Variants in TMEM131L observed in about 807,000 individuals in gnomAD.
TMEM131L encodes transmembrane 131 like.
Under a neutral mutation model 192.2 loss-of-function variants are expected in TMEM131L, and 54 were observed. That is an observed-to-expected ratio of 0.28 (90% CI 0.23 to 0.35). The LOEUF is 0.35. Ranked by LOEUF, TMEM131L falls within the 10% of genes least tolerant of loss-of-function variation. TMEM131L has a pLI of 1.00. For synonymous variants in TMEM131L, 701 were observed against 704.9 expected (o/e 0.99, Z 0.09); for missense variants, 1,888 against 1,972.9 (o/e 0.96, Z 0.82).
At chr4:153,492,669 G>T (rs1352213333) in intron 3 of TMEM131L, among the ~76,000 whole-genome samples, 2 of 152,238 alleles carry the variant, frequency 1.3e-5, no homozygotes, top group African/African-American at 4.8e-5. Context: ...TCTGTGCTCT[G>T]AAGGAATGTA....
chr4:153,542,618 C>T (rs1389600323), intron 3 of TMEM131L, among the ~76,000 whole-genome samples: 1 of 152,200 alleles, frequency 6.6e-6, no homozygotes, highest in Admixed American at 6.5e-5. Flanking sequence ...GTGCTTGGCA[C>T]AACATCTGGT....
intron 3 of TMEM131L, among the ~76,000 whole-genome samples, chr4:153,520,404 G>A (rs1295569234): frequency 2.0e-5 from 3 of 152,186 alleles, no homozygotes. Flanking sequence ...TGGAGGTCAA[G>A]GCTGCAGTGA....
chr4:153,566,403 G>A (rs183849633), intron 7 of TMEM131L, among the ~76,000 whole-genome samples: 6 of 152,208 alleles, frequency 3.9e-5, no homozygotes, highest in African/African-American at 1.2e-4. Flanking sequence ...TCAAAGTGCC[G>A]GGATTACAGG....
intron 3 of TMEM131L, among the ~76,000 whole-genome samples, chr4:153,548,353 G>A (rs978179087): frequency 6.6e-6 from 1 of 152,172 alleles, no homozygotes; most frequent in Non-Finnish European, 1.5e-5. Flanking sequence ...AAGGCTGGAT[G>A]GAGTGCAGTG....
chr4:153,580,838 A>G lies in TMEM131L; in HGVS notation c.673A>G (p.Asn225Asp). ...QLSQMQAETTNTSLLQVQLEC... is the reference protein window; with the variant it reads ...QLSQMQAETTDTSLLQVQLEC... ...TTTCTTCTTTTAGGCAGAAACCACT[A>G]ATACTAGCCTCTTGCAGGTGCAACT... The change falls in exon 8 of 35, where the codon AAT (asparagine) becomes GAT (aspartate). Residue 225 changes from asparagine to aspartate, a missense_variant. Physicochemically the swap from Asn to Asp is conservative, Grantham distance 23. Transcript: ENST00000409959. 2 of 1,610,772 alleles carry G rather than the reference A, an allele frequency of 1.2e-6. No homozygotes were observed. The highest frequency in any genetic ancestry group is 2.2e-5 in the East Asian group (1 of 44,848).
At chr4:153,613,214 A>G (rs1032629827) in intron 26 of TMEM131L, among the ~76,000 whole-genome samples, 9 of 152,240 alleles carry the variant, frequency 5.9e-5, no homozygotes, top group Non-Finnish European at 1.2e-4. Context: ...TAGAAGTTCA[A>G]ATAAACACGC....
chr4:153,620,651 G>A, intron 26 of TMEM131L, 105 bp from the exon 27 acceptor site: 1 of 657,832 alleles, frequency 1.5e-6, no homozygotes, highest in South Asian at 2.2e-5. Context: ...GTTTTCAACA[G>A]CACTGGGACA....
At position 153,579,867 on chromosome 4, in the gene TMEM131L, A is replaced by T. The variant is rs181718944; in HGVS notation, c.661-959A>T. On this transcript the variant is annotated intron_variant, in intron 7 of 34. Coordinates refer to ENST00000409959, the MANE Select transcript of TMEM131L (RefSeq NM_001131007.2). ...ATAATGTACTTGGGTAAGTTTTATA[A>T]ATCTAACAAACATAATTGTAGTGAT... Among the ~76,000 whole-genome samples the T allele has an allele frequency of 2.0e-3, 307 of 152,288 alleles. 2 individuals are homozygous for T. Among genetic ancestry groups the T allele is most frequent in the African/African-American group, 7.0e-3 (292 of 41,540 alleles).
intron 26 of TMEM131L, among the ~76,000 whole-genome samples, chr4:153,618,214 A>G (rs955694826): frequency 2.0e-5 from 3 of 152,066 alleles, no homozygotes; most frequent in African/African-American, 7.2e-5. Flanking sequence ...GAGATCAGCA[A>G]ACGTAACTAG....
chr4:153,576,250 G>A (rs1729932046), intron 7 of TMEM131L, among the ~76,000 whole-genome samples: 1 of 152,136 alleles, frequency 6.6e-6, no homozygotes, highest in Non-Finnish European at 1.5e-5. Flanking sequence ...GTTGGCCACC[G>A]CGCCCGGCCC....
intron 7 of TMEM131L, among the ~76,000 whole-genome samples, chr4:153,568,159 AT>A (rs1471171704): frequency 6.6e-6 from 1 of 152,178 alleles, no homozygotes; most frequent in African/African-American, 2.4e-5. Flanking sequence ...TCAAGTGAGA[AT>A]GCTTCTGTGG....
chr4:153,599,088 G>A (rs1250797510), intron 21 of TMEM131L, among the ~76,000 whole-genome samples: 1 of 152,202 alleles, frequency 6.6e-6, no homozygotes, highest in East Asian at 1.9e-4. Flanking sequence ...TGCAGGTTGT[G>A]TAGGAAGCAT....
intron 7 of TMEM131L, among the ~76,000 whole-genome samples, chr4:153,561,955 C>T (rs1728870570): frequency 7.4e-6 from 1 of 135,768 alleles, no homozygotes. Flanking sequence ...ATTTAAAAAT[C>T]TGAATATCAA....
intron 7 of TMEM131L, among the ~76,000 whole-genome samples, chr4:153,569,410 C>A (rs1396526873): frequency 1.3e-5 from 2 of 152,176 alleles, no homozygotes; most frequent in Non-Finnish European, 2.9e-5. Context: ...AATAATCTGC[C>A]CCAAGGCCAC....
At chr4:153,545,188 A>G (rs1450267172) in intron 3 of TMEM131L, among the ~76,000 whole-genome samples, 2 of 151,886 alleles carry the variant, frequency 1.3e-5, no homozygotes, top group East Asian at 3.9e-4. Flanking sequence ...TGAAGAAGAA[A>G]CTGAATCCCT....
chr4:153,569,400 A>G (rs187141911), intron 7 of TMEM131L, among the ~76,000 whole-genome samples: 1 of 152,316 alleles, frequency 6.6e-6, no homozygotes, highest in East Asian at 1.9e-4. Flanking sequence ...TAAATTCACT[A>G]ATAATCTGCC....
chr4:153,585,601 A>G lies in TMEM131L; in HGVS notation c.1301A>G (p.His434Arg). Residue 434 changes from histidine (H) to arginine (R), a missense_variant, in exon 13 of 35, where the codon CAC becomes CGC. Transcript: ENST00000409959. ...GTGTTTCTTTCCAAGGAGACCAAGC[A>G]CATGTTAAAGGTACATATAGTATTT... is the stretch of plus-strand genomic sequence containing the variant. ...NDVFLSKETKHMLKILNFTGP... is the reference protein window; with the variant it reads ...NDVFLSKETKRMLKILNFTGP... 6.2e-7 allele frequency: 1 copy of G among 1,613,118 alleles called. No homozygotes were observed. Among genetic ancestry groups the G allele is most frequent in the South Asian group, 1.1e-5 (1 of 90,874 alleles).
At chr4:153,504,768 G>A (rs926035013) in intron 3 of TMEM131L, among the ~76,000 whole-genome samples, 2 of 152,154 alleles carry the variant, frequency 1.3e-5, no homozygotes, top group Non-Finnish European at 2.9e-5. Flanking sequence ...TCCCATAAAC[G>A]AATGAAACTT....
At chr4:153,622,429 TC>T (rs1293506188) in intron 28 of TMEM131L, among the ~76,000 whole-genome samples, 1 of 152,206 alleles carries the variant, frequency 6.6e-6, no homozygotes, top group Non-Finnish European at 1.5e-5. Context: ...TTAGCTGGTT[TC>T]TATCTCCACC....
Sources: allele counts gnomAD v4.1 joint callset (sites outside exome capture counted in the v4.1 genomes callset), GRCh38; gene constraint gnomAD v4.1.1; transcripts MANE v1.5; gene names NCBI Gene and HGNC (gene_info 2026-07-23, HGNC 2026-07-21).